The following SSB variants were observed in gnomAD, a reference collection of about 807,000 sequenced individuals.
SSB encodes small RNA binding exonuclease protection factor La.
A neutral mutation model predicts 52.9 loss-of-function variants in SSB; 17 were observed. That is an observed-to-expected ratio of 0.32 (90% confidence interval 0.22 to 0.48). The LOEUF is 0.48. Among genes scored for constraint, SSB ranks in the 20% least tolerant of loss-of-function variants. The pLI is 0.99. For missense variants in SSB, 314 were observed against 463.6 expected, an observed-to-expected ratio of 0.68 and a Z score of 2.96; for synonymous variants, 111 against 152.1, an observed-to-expected ratio of 0.73 and a Z score of 1.99.
intron 9 of SSB, 132 bp from the exon 10 acceptor site, chr2:169,810,726 G>A: frequency 3.4e-6 from 3 of 871,798 alleles, no homozygotes; most frequent in Non-Finnish European, 5.3e-6. Flanking sequence ...CTTTTCTACT[G>A]TTCAGTAAAA....
intron 8 of SSB, 70 bp downstream of exon 8, chr2:169,808,972 G>T: frequency 7.7e-7 from 1 of 1,304,982 alleles, no homozygotes; most frequent in South Asian, 1.2e-5. Flanking sequence ...TAAGTCTGAG[G>T]ACTTTTTCAA....
intron 1 of SSB, among the ~76,000 whole-genome samples, chr2:169,799,796 G>C (rs1051983014): frequency 3.9e-5 from 6 of 152,164 alleles, no homozygotes; most frequent in African/African-American, 1.4e-4. Flanking sequence ...TGCAATTGCA[G>C]TGTGTCAGGG....
At position 169,810,354 on chromosome 2, in the gene SSB, A is replaced by C; in HGVS notation, c.741A>C (p.Glu247Asp). ...ATTTAGATGATCAGACCTGTAGAGA[A>C]GATTTACACATACTTTTCTCAAATC... ...SGDLDDQTCR[E>D]DLHILFSNHG... The change falls in exon 9 of 12, where the codon GAA becomes GAC. Residue 247 changes from glutamate (E) to aspartate (D), a missense_variant. Glu to Asp is a conservative substitution (Grantham distance 45, BLOSUM62 2). Coordinates refer to ENST00000260956, the MANE Select transcript of SSB (RefSeq NM_003142.5). 6.2e-7 allele frequency: 1 copy of C among 1,610,226 alleles called. No individual in the cohort carries two copies. Among genetic ancestry groups the C allele is most frequent in the African/African-American group, 1.3e-5 (1 of 74,920 alleles).
At chr2:169,807,760 T>TA (rs1553482597) in intron 6 of SSB, among the ~76,000 whole-genome samples, 4 of 132,480 alleles carry the variant, frequency 3.0e-5, no homozygotes, top group Admixed American at 8.1e-5. Flanking sequence ...TTTTTTTTTT[T>TA]ACAGTACAAA....
intron 2 of SSB, among the ~76,000 whole-genome samples, chr2:169,804,049 C>G (rs1471539424): frequency 1.3e-5 from 2 of 151,924 alleles, no homozygotes; most frequent in Non-Finnish European, 2.9e-5. Context: ...AATAAAATAT[C>G]CTTTAACTGT....
intron 7 of SSB, 86 bp from the exon 8 acceptor site, chr2:169,808,774 A>G: frequency 8.4e-7 from 1 of 1,184,396 alleles, no homozygotes; most frequent in Non-Finnish European, 1.2e-6. Flanking sequence ...AAGTAAGTTT[A>G]GTGATCATGA....
intron 2 of SSB, among the ~76,000 whole-genome samples, chr2:169,804,409 T>A (rs1016850524): frequency 5.6e-4 from 85 of 151,896 alleles, no homozygotes; most frequent in African/African-American, 1.3e-3. Context: ...TTCTTATTTA[T>A]TTTATTTATT....
chr2:169,799,278 C>CTCT (rs1689652904), intron 1 of SSB: 1 of 103,372 alleles, frequency 9.7e-6, no homozygotes, highest in Non-Finnish European at 1.8e-5. Context: ...CCCATTGCGT[C>CTCT]TTTTTTTTTT....
At chr2:169,806,139 A>C in intron 4 of SSB, 1 of 332,480 alleles carries the variant, frequency 3.0e-6, no homozygotes, top group Non-Finnish European at 5.8e-6. Context: ...CCTGGCAAAA[A>C]ATTTTTTGTA....
At chr2:169,805,956 T>C in intron 4 of SSB, 117 bp downstream of exon 4, 1 of 1,045,882 alleles carries the variant, frequency 9.6e-7, no homozygotes. Flanking sequence ...TTCGTAATAT[T>C]CTTAACCTAA....
At position 169,805,755 on chromosome 2, in the gene SSB, T is replaced by A; in HGVS notation, c.261T>A (p.Thr87=). 1.2e-6 allele frequency: 2 copies of A among 1,614,060 alleles called. No individual in the cohort carries two copies. Among genetic ancestry groups the A allele is most frequent in the Non-Finnish European group, 1.7e-6 (2 of 1,179,980 alleles). The stretch of plus-strand genomic sequence containing the variant: ...TCATGGAAATCAGTGAAGATAAAAC[T>A]AAAATCAGAAGGTCTCCAAGCAAAC... ...AELMEISEDK[T]KIRRSPSKPL... Residue 87 remains threonine (T), a synonymous_variant, in exon 4 of 12, where the codon ACT becomes ACA. Coordinates refer to ENST00000260956, the MANE Select transcript of SSB (RefSeq NM_003142.5).
At chr2:169,810,557 AGATGT>A in intron 9 of SSB, 134 bp downstream of exon 9, 1 of 816,332 alleles carries the variant, frequency 1.2e-6, no homozygotes, top group African/African-American at 1.8e-5. Context: ...TATTGCCACT[AGATGT>A]GATGTCTGAT....
chr2:169,803,410 C>T (rs944083231), intron 2 of SSB, among the ~76,000 whole-genome samples: 147 of 152,082 alleles, frequency 9.7e-4, no homozygotes, highest in African/African-American at 3.3e-3. Context: ...CCACCATGCC[C>T]GGCTAATTTT....
chr2:169,799,775 A>G (rs1256924377), intron 1 of SSB, among the ~76,000 whole-genome samples: 1 of 152,144 alleles, frequency 6.6e-6, no homozygotes, highest in Non-Finnish European at 1.5e-5. Flanking sequence ...ATGTGTATCC[A>G]TGGTATCGAA....
chr2:169,801,910 G>A (rs1004944052), intron 2 of SSB, among the ~76,000 whole-genome samples: 3 of 152,010 alleles, frequency 2.0e-5, no homozygotes, highest in Admixed American at 6.6e-5. Flanking sequence ...TTATGTTAAC[G>A]TAATACCTCA....
chr2:169,810,789 T>G, intron 9 of SSB, 69 bp from the exon 10 acceptor site: 1 of 1,479,956 alleles, frequency 6.8e-7, no homozygotes, highest in Non-Finnish European at 9.1e-7. Context: ...AAAAATTACT[T>G]TGGACAAAGA....
At chr2:169,807,165 A>AT in intron 6 of SSB, 94 bp downstream of exon 6, 1 of 930,404 alleles carries the variant, frequency 1.1e-6, no homozygotes, top group South Asian at 1.5e-5. Flanking sequence ...TGAAAGGCCA[A>AT]TATTCTTAGT....
chr2:169,804,713 T>G (rs1232929950), intron 2 of SSB, among the ~76,000 whole-genome samples: 1 of 152,096 alleles, frequency 6.6e-6, no homozygotes, highest in African/African-American at 2.4e-5. Context: ...GTGCAGCTAA[T>G]TTTTGTATTT....
Position 169,810,493 on chromosome 2 carries a change from GA to G in SSB, c.810+73del, listed in dbSNP as rs537970622. 2.4e-4 allele frequency: 335 copies of G among 1,379,560 alleles called. 3 individuals carry two copies. The Admixed American group carries it at 8.3e-3, about 34-fold the overall frequency. The allele number at this position is 1,379,560 out of a possible 1,614,324, so 85.5% of individuals were successfully genotyped here. The stretch of plus-strand genomic sequence containing the variant: ...TGTAGAAACTTAGACAAAATTAGTA[GA>G]AAGTAATTTTAAAAATTGTGTTTAT... On this transcript the variant is annotated intron_variant, in intron 9 of 11. Transcript: ENST00000260956.
Sources: allele counts gnomAD v4.1 joint callset (sites outside exome capture counted in the v4.1 genomes callset), GRCh38; gene constraint gnomAD v4.1.1; transcripts MANE v1.5; gene names NCBI Gene and HGNC (gene_info 2026-07-23, HGNC 2026-07-21).